Variants in LRFN2 observed in about 807,000 individuals in gnomAD.
LRFN2 encodes leucine-rich repeat and fibronectin type-III domain-containing protein 2.
LRFN2 carries 18 observed loss-of-function variants against 37.3 expected under a neutral mutation model. The observed-to-expected ratio is 0.48, with a 90% CI of 0.33 to 0.72. The LOEUF (loss-of-function observed/expected upper bound fraction) is 0.72. Among genes scored for constraint, LRFN2 ranks in the 30% least tolerant of loss-of-function variants. LRFN2 has a pLI of 0.02. For synonymous variants in LRFN2, 556 were observed against 466.6 expected (o/e 1.19, Z -2.47); for missense variants, 1,006 against 1,060.7 (o/e 0.95, Z 0.72).
At chr6:40,556,286 G>A (rs1464667577) in intron 1 of LRFN2, among the ~76,000 whole-genome samples, 16 of 152,192 alleles carry the variant, frequency 1.1e-4, no homozygotes, top group Non-Finnish European at 1.6e-4. Context: ...ACCCAGCCCC[G>A]ACTGAACACA....
chr6:40,548,996 T>C (rs1385413541), intron 1 of LRFN2, among the ~76,000 whole-genome samples: 2 of 152,206 alleles, frequency 1.3e-5, no homozygotes, highest in Non-Finnish European at 2.9e-5. Context: ...TGTAATCAGT[T>C]TCAACCGGTG....
At chr6:40,574,519 G>A (rs949930650) in intron 1 of LRFN2, among the ~76,000 whole-genome samples, 1 of 152,152 alleles carries the variant, frequency 6.6e-6, no homozygotes, top group African/African-American at 2.4e-5. Flanking sequence ...CCATCACGGG[G>A]TGGGGGGTGG....
chr6:40,558,080 G>T (rs922778710), intron 1 of LRFN2, among the ~76,000 whole-genome samples: 1 of 152,220 alleles, frequency 6.6e-6, no homozygotes, highest in African/African-American at 2.4e-5. Flanking sequence ...CTCCACGCAC[G>T]TGAAGGAGTG....
At chr6:40,572,744 G>C (rs552676495) in intron 1 of LRFN2, among the ~76,000 whole-genome samples, 1 of 152,186 alleles carries the variant, frequency 6.6e-6, no homozygotes, top group African/African-American at 2.4e-5. Flanking sequence ...CCTTTTCTAT[G>C]TTTAATCCCC....
At chr6:40,482,992 C>T (rs142441869) in intron 1 of LRFN2, among the ~76,000 whole-genome samples, 3 of 152,368 alleles carry the variant, frequency 2.0e-5, no homozygotes, top group Non-Finnish European at 4.4e-5. Context: ...TGGCCTCTCC[C>T]CGTTCTTGGA....
Position 40,432,855 on chromosome 6 carries a change from T to C in LRFN2, c.259A>G (p.Thr87Ala). 1 of 1,614,164 alleles carries C rather than the reference T, an allele frequency of 6.2e-7. No individual in the cohort carries two copies. The highest frequency in any genetic ancestry group is 1.6e-4 in the Middle Eastern group (1 of 6,062). ...GAAAAGGGCTGGATGTGGCTGATGG[T>C]GTTCCTGGACAGGGTCAGGTCCACC... ...GLVDLTLSRN[T>A]ISHIQPFSFL... The change falls in exon 2 of 3, where the codon ACC (threonine) becomes GCC (alanine). Residue 87 changes from threonine to alanine, a missense_variant. Thr to Ala is a moderately conservative substitution (Grantham distance 58). Transcript: ENST00000338305.
At chr6:40,484,344 G>C (rs914206940) in intron 1 of LRFN2, among the ~76,000 whole-genome samples, 4 of 152,278 alleles carry the variant, frequency 2.6e-5, no homozygotes, top group African/African-American at 9.6e-5. Flanking sequence ...GCTGTCTAAT[G>C]CAGGCCCAAA....
At chr6:40,584,768 C>A (rs1767471511) in intron 1 of LRFN2, among the ~76,000 whole-genome samples, 1 of 152,030 alleles carries the variant, frequency 6.6e-6, no homozygotes, top group African/African-American at 2.4e-5. Context: ...CTCAACCCCA[C>A]AGGCTGAAGA....
intron 2 of LRFN2, among the ~76,000 whole-genome samples, chr6:40,408,324 A>C (rs1282830730): frequency 6.6e-6 from 1 of 152,204 alleles, no homozygotes; most frequent in African/African-American, 2.4e-5. Flanking sequence ...TAGATGTGTC[A>C]CTTCAGGGAG....
chr6:40,489,293 C>T (rs1440830253), intron 1 of LRFN2, among the ~76,000 whole-genome samples: 3 of 152,248 alleles, frequency 2.0e-5, no homozygotes, highest in Non-Finnish European at 4.4e-5. Context: ...ACCAATTCAA[C>T]AATCATCACA....
At chr6:40,570,457 A>T (rs1485126271) in intron 1 of LRFN2, among the ~76,000 whole-genome samples, 1 of 152,234 alleles carries the variant, frequency 6.6e-6, no homozygotes, top group Admixed American at 6.5e-5. Flanking sequence ...AGAGTCACAC[A>T]GCACTGAGTT....
chr6:40,572,766 G>A (rs1305649418), intron 1 of LRFN2, among the ~76,000 whole-genome samples: 1 of 152,236 alleles, frequency 6.6e-6, no homozygotes, highest in Non-Finnish European at 1.5e-5. Context: ...GCTAGTGGAA[G>A]GAGTGAGAGC....
chr6:40,409,345 C>T (rs1481590645), intron 2 of LRFN2, among the ~76,000 whole-genome samples: 1 of 152,166 alleles, frequency 6.6e-6, no homozygotes, highest in Non-Finnish European at 1.5e-5. Flanking sequence ...TGAGTCACTT[C>T]CCATGTTTGA....
intron 1 of LRFN2, among the ~76,000 whole-genome samples, chr6:40,530,582 A>C (rs746908140): frequency 9.9e-5 from 15 of 151,518 alleles, no homozygotes; most frequent in Non-Finnish European, 1.9e-4. Flanking sequence ...CCCTTTCCCA[A>C]CTTCCTCAGA....
intron 1 of LRFN2, among the ~76,000 whole-genome samples, chr6:40,466,991 A>G (rs1764485179): frequency 6.6e-6 from 1 of 152,086 alleles, no homozygotes; most frequent in Admixed American, 6.5e-5. Flanking sequence ...GAAGACGGCC[A>G]CCTACAAGTC....
At chr6:40,493,554 A>G (rs1581747623) in intron 1 of LRFN2, among the ~76,000 whole-genome samples, 1 of 152,248 alleles carries the variant, frequency 6.6e-6, no homozygotes, top group East Asian at 1.9e-4. Flanking sequence ...CACCCACACT[A>G]CAATGGATGA....
intron 2 of LRFN2, among the ~76,000 whole-genome samples, chr6:40,411,171 A>G (rs1442476745): frequency 6.6e-6 from 1 of 152,168 alleles, no homozygotes; most frequent in African/African-American, 2.4e-5. Context: ...AGCCCCAGAA[A>G]TTGGCTCACT....
chr6:40,437,131 G>A (rs1245326525), intron 1 of LRFN2, among the ~76,000 whole-genome samples: 4 of 152,014 alleles, frequency 2.6e-5, no homozygotes, highest in Admixed American at 2.6e-4. Flanking sequence ...TTCAAGTCCT[G>A]GCACACAGGA....
chr6:40,496,755 C>T (rs77645786), intron 1 of LRFN2, among the ~76,000 whole-genome samples: 3,168 of 152,116 alleles, frequency 0.021, 71 homozygotes, highest in East Asian at 0.069. Context: ...GTGTGTTATC[C>T]TCTGCTTCCT....
Sources: allele counts gnomAD v4.1 joint callset (sites outside exome capture counted in the v4.1 genomes callset), GRCh38; gene constraint gnomAD v4.1.1; transcripts MANE v1.5; gene names NCBI Gene and HGNC (gene_info 2026-07-23, HGNC 2026-07-21).